Variants in CEP63 observed in about 807,000 individuals in gnomAD.
CEP63 encodes centrosomal protein 63.
CEP63 carries 84 observed loss-of-function variants against 89.1 expected under a neutral mutation model. That is an observed-to-expected ratio of 0.94 (90% CI 0.79 to 1.13). The LOEUF is 1.13. Ranked by LOEUF, CEP63 falls within the 50% of genes most tolerant of loss-of-function variation. The pLI is 0.00. For missense variants in CEP63, 838 were observed against 813.3 expected, an observed-to-expected ratio of 1.03 and a Z score of -0.37; for synonymous variants, 267 against 272.5, an observed-to-expected ratio of 0.98 and a Z score of 0.20.
At chr3:134,699,642 T>A in the CEP63 span, among the ~76,000 whole-genome samples, 2 of 152,186 alleles carry the variant, frequency 1.3e-5, no homozygotes, top group African/African-American at 4.8e-5. Context: ...TCCTCACGGT[T>A]CTATGTGGGA....
rs77590372 is a variant in CEP63, at chr3:134,550,146, G to A, written c.1266G>A (p.Gln422=). The A allele has an allele frequency of 8.9e-4, 1,428 of 1,613,306 alleles. 22 individuals carry two copies. In the East Asian group the frequency reaches 0.03, roughly 34 times the overall value. Residue 422 remains glutamine (Q), a synonymous_variant, in exon 11 of 15, where the codon CAG becomes CAA. Transcript: ENST00000675561. ...GMKMEISHLT[Q]ELHQRDITIA... ...AGATGGAAATCTCCCATCTAACTCA[G>A]GAGTTACATCAGCGAGATATCACTA...
chr3:134,743,949 A>C, the CEP63 span, among the ~76,000 whole-genome samples: 1 of 152,164 alleles, frequency 6.6e-6, no homozygotes, highest in South Asian at 2.1e-4. Context: ...TTAAGGTAGA[A>C]GGCAGAGCAC....
At chr3:134,592,562 G>A (rs566882622), downstream of CEP63, among the ~76,000 whole-genome samples, 5 of 149,646 alleles carry the variant, frequency 3.3e-5, no homozygotes, top group Admixed American at 3.4e-4. Flanking sequence ...CAAATGGGGT[G>A]CTGGTCTTTT....
rs200883848 is a variant in CEP63 at position 134,539,692 on chromosome 3, T to TA, written c.555+2433dup. ...AAGTGGATATTAACCTACCCTCCAT[T>TA]AAAAAAAAATCTCTGTATAATTTTT... On this transcript the variant is annotated intron_variant, in intron 6 of 14. Transcript: ENST00000675561. Among the ~76,000 whole-genome samples the TA allele has an allele frequency of 7.1e-3, 1,073 of 151,080 alleles. 11 individuals carry two copies. The highest frequency in any genetic ancestry group is 0.025 in the African/African-American group (1,028 of 41,336).
chr3:134,769,294 A>G, the CEP63 span, among the ~76,000 whole-genome samples: 1 of 152,298 alleles, frequency 6.6e-6, no homozygotes, highest in African/African-American at 2.4e-5. Context: ...CTACTGAATC[A>G]GAATGTGTGG....
At chr3:134,708,130 A>G in the CEP63 span, among the ~76,000 whole-genome samples, 2 of 152,168 alleles carry the variant, frequency 1.3e-5, no homozygotes, top group East Asian at 1.9e-4. Flanking sequence ...TTGTGAATCA[A>G]TCCTTGCACC....
the CEP63 span, among the ~76,000 whole-genome samples, chr3:134,709,822 A>G: frequency 6.6e-6 from 1 of 152,204 alleles, no homozygotes; most frequent in South Asian, 2.1e-4. Context: ...CATCTTGATT[A>G]AGAAAGGTAA....
At chr3:134,613,936 T>A in the CEP63 span, among the ~76,000 whole-genome samples, 4 of 152,172 alleles carry the variant, frequency 2.6e-5, no homozygotes, top group African/African-American at 9.7e-5. Context: ...ACACTGTGTA[T>A]AAAGCACTGT....
the CEP63 span, chr3:134,608,599 G>A: frequency 4.8e-5 from 77 of 1,613,568 alleles, no homozygotes; most frequent in Non-Finnish European, 5.8e-5. Context: ...AGGACAGTGC[G>A]AAATGCTCCA....
intron 3 of CEP63, among the ~76,000 whole-genome samples, chr3:134,517,089 C>T (rs775686971): frequency 6.6e-5 from 10 of 152,198 alleles, no homozygotes; most frequent in Non-Finnish European, 1.3e-4. Context: ...AATTCATCAC[C>T]AGCTGCTTAC....
At chr3:134,643,399 G>A in the CEP63 span, 4 of 1,608,306 alleles carry the variant, frequency 2.5e-6, no homozygotes, top group African/African-American at 4.0e-5. Context: ...AAGACAGAGA[G>A]GCCTGCAGTG....
At chr3:134,775,344 C>A in the CEP63 span, among the ~76,000 whole-genome samples, 3 of 152,172 alleles carry the variant, frequency 2.0e-5, no homozygotes, top group Non-Finnish European at 4.4e-5. Flanking sequence ...GAGGGAACTT[C>A]CAGAGCACAG....
At chr3:134,763,862 G>A in the CEP63 span, among the ~76,000 whole-genome samples, 1 of 152,218 alleles carries the variant, frequency 6.6e-6, no homozygotes, top group Non-Finnish European at 1.5e-5. Context: ...AGAATTGAGA[G>A]TGAGTAGCCT....
At chr3:134,668,126 A>T in the CEP63 span, among the ~76,000 whole-genome samples, 1 of 152,200 alleles carries the variant, frequency 6.6e-6, no homozygotes, top group African/African-American at 2.4e-5. Flanking sequence ...ACTTGCAGGA[A>T]CCGCCTCACA....
chr3:134,503,210 G>T (rs1262906524), intron 2 of CEP63, among the ~76,000 whole-genome samples: 7 of 143,010 alleles, frequency 4.9e-5, no homozygotes, highest in Non-Finnish European at 7.5e-5. Flanking sequence ...TTGGTATGTT[G>T]TATTTTCATT....
chr3:134,607,983 C>T, the CEP63 span: 18 of 1,018,942 alleles, frequency 1.8e-5, no homozygotes, highest in African/African-American at 3.1e-4. Context: ...CCATCTCTGT[C>T]TAGCTACTAG....
chr3:134,746,734 G>A, the CEP63 span, among the ~76,000 whole-genome samples: 1 of 152,202 alleles, frequency 6.6e-6, no homozygotes, highest in Non-Finnish European at 1.5e-5. Context: ...CTTTTGAGAA[G>A]TATCTGTTCA....
intron 9 of CEP63, among the ~76,000 whole-genome samples, chr3:134,548,677 A>G (rs7426847): frequency 0.32 from 48,381 of 152,034 alleles, 7,978 homozygotes; most frequent in African/African-American, 0.36. Context: ...TTTTACATTT[A>G]TTTCTGGTTT....
chr3:134,575,554 GGT>G, downstream of CEP63, among the ~76,000 whole-genome samples: 4 of 96,222 alleles, frequency 4.2e-5, no homozygotes, highest in East Asian at 3.5e-4. Context: ...TTGGAGACAG[GGT>G]CTCACTCTGT....
Sources: gnomAD v4.1 joint callset for allele counts (sites outside exome capture counted in the v4.1 genomes callset) on GRCh38, gnomAD v4.1.1 for gene constraint, MANE v1.5 for transcripts, NCBI Gene and HGNC (gene_info 2026-07-23, HGNC 2026-07-21) for gene names.